EMID1: variants seen among roughly 807,000 people sequenced by gnomAD.
EMID1 encodes the protein EMI domain containing 1, also known as EMI domain-containing protein 1.
EMID1 carries 40 observed loss-of-function variants against 60.6 expected under a neutral mutation model. The ratio of observed to expected loss-of-function variants is 0.66; its 90% CI spans 0.51 to 0.86. The LOEUF (loss-of-function observed/expected upper bound fraction) is 0.86. EMID1 is among the 40% of genes least tolerant of loss of function. The pLI is 0.00. For synonymous variants in EMID1, 242 were observed against 231.0 expected (o/e 1.05, Z -0.43); for missense variants, 585 against 597.1 (o/e 0.98, Z 0.21).
intron 6 of EMID1, 86 bp from the exon 7 acceptor site, chr22:29,231,507 T>G: frequency 7.2e-7 from 1 of 1,382,092 alleles, no homozygotes; most frequent in Non-Finnish European, 1.0e-6. Flanking sequence ...TTCCCCGAAA[T>G]GGTAGATGCT....
chr22:29,256,522 A>G (rs1411664112), intron 14 of EMID1, among the ~76,000 whole-genome samples: 2 of 151,194 alleles, frequency 1.3e-5, no homozygotes, highest in Non-Finnish European at 2.9e-5. Context: ...AGAAGGGTTA[A>G]GGTTAGAGCC....
chr22:29,219,094 C>G (rs564581850), intron 3 of EMID1, among the ~76,000 whole-genome samples: 2 of 152,178 alleles, frequency 1.3e-5, no homozygotes, highest in Non-Finnish European at 2.9e-5. Context: ...AACTGAGGCT[C>G]AGAGAGGGGA....
chr22:29,244,627 A>G (rs1000054484), intron 13 of EMID1, among the ~76,000 whole-genome samples: 3 of 148,762 alleles, frequency 2.0e-5, no homozygotes, highest in Admixed American at 6.7e-5. Context: ...CGACGGAACG[A>G]GACTCTGTCT....
chr22:29,233,660 T>C lies in EMID1; in HGVS notation c.960T>C (p.Gly320=). The C allele has an allele frequency of 6.2e-7, 1 of 1,613,934 alleles. No homozygotes were observed. The highest frequency in any genetic ancestry group is 8.5e-7 in the Non-Finnish European group (1 of 1,179,830). ...PGPTGVPGSP[G]HIGPPGPTGP... ...CCACAGGTGTCCCTGGGAGTCCTGG[T>C]CACATAGTGAGTAGTTCTCCTTGTA... The change falls in exon 10 of 15, where the codon GGT becomes GGC. Residue 320 remains glycine (G), a synonymous_variant. Coordinates refer to ENST00000334018, the MANE Select transcript of EMID1 (RefSeq NM_133455.4).
intron 13 of EMID1, among the ~76,000 whole-genome samples, chr22:29,250,569 T>C (rs1411570987): frequency 6.6e-6 from 1 of 150,984 alleles, no homozygotes; most frequent in Non-Finnish European, 1.5e-5. Flanking sequence ...ATCTTTTTTT[T>C]TTCTTTTTTT....
At chr22:29,247,718 T>A (rs750623122) in intron 13 of EMID1, among the ~76,000 whole-genome samples, 2 of 151,598 alleles carry the variant, frequency 1.3e-5, no homozygotes, top group Non-Finnish European at 2.9e-5. Context: ...GCAACCTCCA[T>A]CTCCAGGTTC....
intron 14 of EMID1, chr22:29,255,582 C>T (rs2041673024): frequency 2.4e-6 from 1 of 416,070 alleles, no homozygotes; most frequent in African/African-American, 2.0e-5. Context: ...GGACAGGCTC[C>T]ACAAGATAAG....
At chr22:29,231,336 C>A in intron 6 of EMID1, 196 bp downstream of exon 6, 1 of 900,046 alleles carries the variant, frequency 1.1e-6, no homozygotes, top group Non-Finnish European at 1.7e-6. Context: ...TCCCTGGAGA[C>A]CAAGCAGCCC....
chr22:29,253,728 A>G (rs1021936286), intron 13 of EMID1, among the ~76,000 whole-genome samples: 1 of 152,250 alleles, frequency 6.6e-6, no homozygotes, highest in Non-Finnish European at 1.5e-5. Flanking sequence ...CACTGATCGG[A>G]GTAATTAGGG....
rs753491445 is a variant in EMID1 at position 29,258,780 on chromosome 22, C to T, written c.1205-37C>T. ...GGGAGGTGGGCACCTCACATGAACC[C>T]CTCTAATGTGGCCTCTCTCCTTCTT... On this transcript the variant is annotated intron_variant, in intron 14 of 14. Coordinates refer to ENST00000334018, the MANE Select transcript of EMID1 (RefSeq NM_133455.4). 11 of 1,611,818 alleles carry T rather than the reference C, an allele frequency of 6.8e-6. No homozygotes were observed. The African/African-American group carries it at 1.2e-4, about 18-fold the overall frequency.
At chr22:29,213,256 G>A (rs868207954) in intron 1 of EMID1, among the ~76,000 whole-genome samples, 3 of 152,288 alleles carry the variant, frequency 2.0e-5, no homozygotes, top group African/African-American at 4.8e-5. Context: ...TCCCATGTCC[G>A]GTGGCTCCAT....
At chr22:29,255,214 CAGCCCAG>C in intron 14 of EMID1, 3 of 1,155,094 alleles carry the variant, frequency 2.6e-6, no homozygotes, top group Non-Finnish European at 3.5e-6. Context: ...CTTGGCTCCC[CAGCCCAG>C]CCCTCGGAGG....
chr22:29,219,847 C>T (rs1441732403), intron 3 of EMID1, among the ~76,000 whole-genome samples: 1 of 152,066 alleles, frequency 6.6e-6, no homozygotes, highest in Non-Finnish European at 1.5e-5. Context: ...TTCCTGTGCT[C>T]CTTGGTCCCT....
intron 3 of EMID1, among the ~76,000 whole-genome samples, chr22:29,223,531 C>A (rs1453341790): frequency 1.3e-5 from 2 of 152,216 alleles, no homozygotes; most frequent in Non-Finnish European, 2.9e-5. Flanking sequence ...ATTGAGCCTC[C>A]CTGCCAGGTG....
Position 29,215,577 on chromosome 22 carries a change from C to A in EMID1, c.266C>A (p.Thr89Asn). 1 of 1,614,130 alleles carries A rather than the reference C, an allele frequency of 6.2e-7. No individual in the cohort carries two copies. ...TACAAGGTGATGTACAAGATAGTGA[C>A]CGCCCGTGAGTGGAGGTGCTGCCCT... ...PTYKVMYKIV[T>N]AREWRCCPGH... is the part of the protein sequence containing the mutation. The change falls in exon 3 of 15, where the codon ACC (threonine) becomes AAC (asparagine). Residue 89 changes from threonine to asparagine, a missense_variant. Transcript: ENST00000334018.
intron 14 of EMID1, 57 bp from the exon 15 acceptor site, chr22:29,258,760 G>A: frequency 6.3e-7 from 1 of 1,598,928 alleles, no homozygotes; most frequent in East Asian, 2.3e-5. Flanking sequence ...CCAAGGGGAG[G>A]TGGGCACCTC....
intron 3 of EMID1, among the ~76,000 whole-genome samples, chr22:29,222,595 G>C (rs185084052): frequency 6.6e-6 from 1 of 150,778 alleles, no homozygotes; most frequent in South Asian, 2.1e-4. Context: ...GTAGAGACAG[G>C]GTTTTGCCAT....
intron 1 of EMID1, among the ~76,000 whole-genome samples, chr22:29,208,532 C>T (rs1346688066): frequency 1.3e-5 from 2 of 152,210 alleles, no homozygotes; most frequent in Non-Finnish European, 2.9e-5. Flanking sequence ...TCTCTCGCCC[C>T]TGCAGCACCG....
chr22:29,208,974 C>T (rs1027720080), intron 1 of EMID1, among the ~76,000 whole-genome samples: 1 of 152,224 alleles, frequency 6.6e-6, no homozygotes, highest in African/African-American at 2.4e-5. Flanking sequence ...GGGCCTTGTC[C>T]AAGGTCACCG....
Sources: gnomAD v4.1 joint callset for allele counts (sites outside exome capture counted in the v4.1 genomes callset) on GRCh38, gnomAD v4.1.1 for gene constraint, MANE v1.5 for transcripts, NCBI Gene and HGNC (gene_info 2026-07-23, HGNC 2026-07-21) for gene names.